The following NUBPL variants were observed in gnomAD, a reference collection of about 807,000 sequenced individuals.
NUBPL encodes NUBP iron-sulfur cluster assembly factor, mitochondrial, also known as iron-sulfur cluster transfer protein NUBPL.
Under a neutral mutation model 45.7 loss-of-function variants are expected in NUBPL, and 31 were observed. The observed-to-expected ratio is 0.68, with a 90% CI of 0.51 to 0.92. The LOEUF (loss-of-function observed/expected upper bound fraction) is 0.92, where lower values mean the gene tolerates loss of function less well. Among genes scored for constraint, NUBPL ranks in the 40% least tolerant of loss-of-function variants. NUBPL has a pLI of 0.00. For synonymous variants in NUBPL, 144 were observed against 140.9 expected (o/e 1.02, Z -0.15); for missense variants, 401 against 398.7 (o/e 1.01, Z -0.05).
chr14:31,856,010 G>A (rs143318770), intron 10 of NUBPL, among the ~76,000 whole-genome samples: 1 of 152,234 alleles, frequency 6.6e-6, no homozygotes, highest in East Asian at 1.9e-4. Context: ...TTCATTAGTT[G>A]TATATAAATA....
rs141394705 is a variant in NUBPL, at chr14:31,854,447, C to G, written c.897+4246C>G. Among the ~76,000 whole-genome samples, 4 of 152,254 alleles carry G rather than the reference C, an allele frequency of 2.6e-5. No homozygotes were observed. The East Asian group carries it at 7.7e-4, about 29-fold the overall frequency. ...AGATAGATTTGATTTAATTATTCCT[C>G]AGGTGGGAACAGTGCCCAAAGGACA... On this transcript the variant is annotated intron_variant, in intron 10 of 10. Coordinates refer to ENST00000281081, the MANE Select transcript of NUBPL (RefSeq NM_025152.3).
At chr14:31,630,044 A>G (rs916583577) in intron 4 of NUBPL, among the ~76,000 whole-genome samples, 2 of 152,244 alleles carry the variant, frequency 1.3e-5, no homozygotes, top group Non-Finnish European at 2.9e-5. Flanking sequence ...AAGGTGCTCC[A>G]TAAATGTTAA....
intron 7 of NUBPL, among the ~76,000 whole-genome samples, chr14:31,803,580 G>A (rs1450510606): frequency 4.0e-5 from 6 of 150,728 alleles, no homozygotes; most frequent in South Asian, 2.2e-4. Context: ...AGAACAGCAC[G>A]TTAAAGGAGG....
intron 3 of NUBPL, among the ~76,000 whole-genome samples, chr14:31,583,321 A>G (rs1231230140): frequency 2.0e-5 from 3 of 152,230 alleles, no homozygotes; most frequent in Non-Finnish European, 4.4e-5. Flanking sequence ...TTAGCCCATT[A>G]CATCACACAG....
At chr14:31,685,384 A>T (rs138267553) in intron 6 of NUBPL, among the ~76,000 whole-genome samples, 1 of 152,214 alleles carries the variant, frequency 6.6e-6, no homozygotes, top group Non-Finnish European at 1.5e-5. Context: ...GTAGAGGTGT[A>T]TTCTACCTAT....
chr14:31,757,068 A>G (rs1270416424), intron 6 of NUBPL, among the ~76,000 whole-genome samples: 2 of 152,006 alleles, frequency 1.3e-5, no homozygotes, highest in Non-Finnish European at 2.9e-5. Context: ...ATTATGGTGA[A>G]TAAGCTTTTT....
intron 6 of NUBPL, among the ~76,000 whole-genome samples, chr14:31,757,201 T>A (rs2038687427): frequency 1.7e-5 from 2 of 120,870 alleles, no homozygotes; most frequent in South Asian, 6.1e-4. Context: ...GGTATCAGGA[T>A]GATGCTGGCC....
intron 7 of NUBPL, among the ~76,000 whole-genome samples, chr14:31,819,963 A>G (rs1164033555): frequency 2.0e-5 from 3 of 151,738 alleles, no homozygotes; most frequent in Non-Finnish European, 4.4e-5. Context: ...ACACGGTGAA[A>G]CCCCATCTCT....
In NUBPL at chr14:31,676,826, A is replaced by G. The variant is rs180699829; in HGVS notation, c.513+3252A>G. Among the ~76,000 whole-genome samples, 320 of 151,698 alleles carry G rather than the reference A, an allele frequency of 2.1e-3. 1 individual carries two copies. The highest frequency in any genetic ancestry group is 7.3e-3 in the African/African-American group (304 of 41,440). On this transcript the variant is annotated intron_variant, in intron 6 of 10. Transcript: ENST00000281081. ...GTAGGAATTTGTACGTATTTTGGCCATGAGTCCATTGTCAGGTAATAGATA... is the reference window on the plus strand; with the variant it reads ...GTAGGAATTTGTACGTATTTTGGCCGTGAGTCCATTGTCAGGTAATAGATA...
At chr14:31,672,613 C>T (rs2036598061) in intron 4 of NUBPL, among the ~76,000 whole-genome samples, 1 of 152,092 alleles carries the variant, frequency 6.6e-6, no homozygotes, top group South Asian at 2.1e-4. Flanking sequence ...TAGGCGTGCA[C>T]CACCATGCCC....
intron 6 of NUBPL, among the ~76,000 whole-genome samples, chr14:31,731,752 AT>A (rs1351370606): frequency 1.3e-5 from 2 of 152,146 alleles, no homozygotes; most frequent in Admixed American, 1.3e-4. Flanking sequence ...TATGACTTAC[AT>A]TTAGGAATAA....
intron 6 of NUBPL, among the ~76,000 whole-genome samples, chr14:31,693,347 G>A (rs1326736519): frequency 1.3e-5 from 2 of 152,054 alleles, no homozygotes; most frequent in Non-Finnish European, 2.9e-5. Flanking sequence ...GACCTTCTTT[G>A]TAGTCATTCA....
intron 8 of NUBPL, among the ~76,000 whole-genome samples, chr14:31,830,214 A>G (rs2040167519): frequency 1.3e-5 from 2 of 152,168 alleles, no homozygotes; most frequent in African/African-American, 4.8e-5. Flanking sequence ...TGATTAATTT[A>G]TTTTTCCACA....
At chr14:31,672,911 A>T (rs912341114) in intron 4 of NUBPL, among the ~76,000 whole-genome samples, 1 of 152,230 alleles carries the variant, frequency 6.6e-6, no homozygotes, top group African/African-American at 2.4e-5. Context: ...CAATATGAGT[A>T]GCCTATTTGT....
chr14:31,785,622 AC>A (rs1357096418), intron 6 of NUBPL, among the ~76,000 whole-genome samples: 1 of 152,164 alleles, frequency 6.6e-6, no homozygotes, highest in Non-Finnish European at 1.5e-5. Context: ...AGTTTTCTTC[AC>A]AGCACTTATT....
intron 4 of NUBPL, among the ~76,000 whole-genome samples, chr14:31,647,636 G>C (rs924675061): frequency 1.3e-5 from 2 of 152,224 alleles, no homozygotes; most frequent in African/African-American, 4.8e-5. Flanking sequence ...CAGAGTTACA[G>C]ATCAGAGTTT....
intron 6 of NUBPL, among the ~76,000 whole-genome samples, chr14:31,756,373 C>T (rs940496485): frequency 2.0e-5 from 3 of 151,956 alleles, no homozygotes; most frequent in Non-Finnish European, 4.4e-5. Flanking sequence ...TCTTTTATTT[C>T]CTTGAGCAGT....
chr14:31,771,837 C>G, intron 6 of NUBPL: 1 of 985,162 alleles, frequency 1.0e-6, no homozygotes, highest in Non-Finnish European at 1.2e-6. Flanking sequence ...CCGAGGGACC[C>G]TAAGGCTCAA....
intron 6 of NUBPL, among the ~76,000 whole-genome samples, chr14:31,751,604 G>T (rs903164869): frequency 3.9e-5 from 6 of 152,238 alleles, no homozygotes; most frequent in African/African-American, 1.4e-4. Context: ...TGCAGGTACA[G>T]CCTCTGTGGC....
Sources: allele counts gnomAD v4.1 joint callset (sites outside exome capture counted in the v4.1 genomes callset), GRCh38; gene constraint gnomAD v4.1.1; transcripts MANE v1.5; gene names NCBI Gene and HGNC (gene_info 2026-07-23, HGNC 2026-07-21).